IL1RAPL2: variants seen among roughly 807,000 people sequenced by gnomAD.
The protein encoded by IL1RAPL2 is interleukin 1 receptor accessory protein like 2, also known as X-linked interleukin-1 receptor accessory protein-like 2.
Under a neutral mutation model 44.1 loss-of-function variants are expected in IL1RAPL2, and 3 were observed. That is an observed-to-expected ratio of 0.07 (90% CI 0.03 to 0.18). IL1RAPL2 has a LOEUF of 0.18. Among genes scored for constraint, IL1RAPL2 ranks in the 10% least tolerant of loss-of-function variants. IL1RAPL2 has a pLI of 1.00. For synonymous variants in IL1RAPL2, 181 were observed against 178.8 expected (o/e 1.01, Z -0.10); for missense variants, 391 against 496.4 (o/e 0.79, Z 2.02).
intron 6 of IL1RAPL2, among the ~76,000 whole-genome samples, chrX:105,607,128 C>A (rs746833786): frequency 4.5e-5 from 5 of 110,570 alleles, no homozygotes; most frequent in Non-Finnish European, 7.6e-5. Flanking sequence ...TTGTGTGTAC[C>A]AAAATATCAC....
intron 2 of IL1RAPL2, among the ~76,000 whole-genome samples, chrX:105,150,087 AT>A (rs1211903802): frequency 9.0e-6 from 1 of 110,537 alleles, no homozygotes; most frequent in Non-Finnish European, 1.9e-5. Context: ...CATGTATCAG[AT>A]TAGTTCAACA....
chrX:105,727,135 G>C (rs1177135016), intron 7 of IL1RAPL2, among the ~76,000 whole-genome samples: 1 of 111,420 alleles, frequency 9.0e-6, no homozygotes, highest in Non-Finnish European at 1.9e-5. Context: ...AACTCTGCAA[G>C]ACACCTAGCC....
intron 2 of IL1RAPL2, among the ~76,000 whole-genome samples, chrX:105,096,935 G>A (rs992503056): frequency 9.0e-6 from 1 of 110,879 alleles, no homozygotes; most frequent in Admixed American, 9.6e-5. Flanking sequence ...AAAAAAATAC[G>A]GACAATACAA....
intron 2 of IL1RAPL2, among the ~76,000 whole-genome samples, chrX:104,771,954 C>T (rs1319388938): frequency 8.9e-6 from 1 of 111,878 alleles, no homozygotes; most frequent in Non-Finnish European, 1.9e-5. Context: ...TCTTTCTATA[C>T]TCTATGGATG....
intron 5 of IL1RAPL2, among the ~76,000 whole-genome samples, chrX:105,416,765 T>C (rs1301159310): frequency 8.9e-6 from 1 of 111,950 alleles, no homozygotes; most frequent in African/African-American, 3.3e-5. Flanking sequence ...CCACCTTTGC[T>C]TCTGTTTCGC....
chrX:105,054,370 T>C (rs2031966968), intron 2 of IL1RAPL2, among the ~76,000 whole-genome samples: 1 of 111,995 alleles, frequency 8.9e-6, no homozygotes, highest in East Asian at 2.8e-4. Flanking sequence ...AAGAAACTGC[T>C]GTATTGTATA....
In IL1RAPL2 at chrX:104,680,516, G is replaced by T. The variant is rs765803799; in HGVS notation, c.82+21521G>T. Among the ~76,000 whole-genome samples the T allele has an allele frequency of 7.5e-4, 84 of 111,477 alleles. 1 individual carries two copies. The highest frequency in any genetic ancestry group is 2.7e-3 in the African/African-American group (82 of 30,693). On this transcript the variant is annotated intron_variant, in intron 2 of 10. Transcript: ENST00000372582. Reference sequence around the variant, plus strand: ...TTTGTACTTGGATTAATGCTTTTCTGTTGCCATCCTGAAATTCTTAATAAT... The same window carrying T: ...TTTGTACTTGGATTAATGCTTTTCTTTTGCCATCCTGAAATTCTTAATAAT...
intron 2 of IL1RAPL2, among the ~76,000 whole-genome samples, chrX:104,960,594 C>T (rs915578113): frequency 6.1e-4 from 68 of 111,467 alleles, no homozygotes; most frequent in African/African-American, 2.2e-3. Flanking sequence ...AATTCAAATA[C>T]TGGCTAATTG....
At chrX:104,649,825 T>G (rs1338404897) in intron 1 of IL1RAPL2, among the ~76,000 whole-genome samples, 1 of 111,634 alleles carries the variant, frequency 9.0e-6, no homozygotes, top group East Asian at 2.8e-4. Context: ...CTGTTAAAAA[T>G]TAGCATGAAC....
intron 2 of IL1RAPL2, among the ~76,000 whole-genome samples, chrX:105,133,581 T>C (rs1300808686): frequency 8.9e-6 from 1 of 111,905 alleles, no homozygotes; most frequent in Non-Finnish European, 1.9e-5. Context: ...TATTATAATA[T>C]TTTTGTTTTA....
At chrX:105,091,087 G>T (rs1244940315) in intron 2 of IL1RAPL2, among the ~76,000 whole-genome samples, 1 of 111,790 alleles carries the variant, frequency 8.9e-6, no homozygotes, top group Non-Finnish European at 1.9e-5. Context: ...AATTGCAGGT[G>T]GTTTTAAAAC....
chrX:105,180,423 A>G (rs1358934369), intron 2 of IL1RAPL2, among the ~76,000 whole-genome samples: 8 of 112,203 alleles, frequency 7.1e-5, no homozygotes, highest in Non-Finnish European at 1.3e-4. Flanking sequence ...TTTAGAGGAA[A>G]GGCTTTCAAC....
intron 2 of IL1RAPL2, among the ~76,000 whole-genome samples, chrX:105,089,381 A>G (rs758021859): frequency 4.5e-5 from 5 of 111,371 alleles, no homozygotes; most frequent in Middle Eastern, 9.2e-3. Context: ...ATATAGAACA[A>G]ATTGTGAGGT....
intron 1 of IL1RAPL2, among the ~76,000 whole-genome samples, chrX:104,656,990 A>T (rs1930278110): frequency 9.1e-6 from 1 of 110,457 alleles, no homozygotes. Context: ...AGAGACTAGG[A>T]TTGCAACCCC....
Position 105,034,521 on chromosome X carries a change from G to A in IL1RAPL2, c.83-160954G>A, listed in dbSNP as rs1322623467. On this transcript the variant is annotated intron_variant, in intron 2 of 10. Coordinates refer to ENST00000372582, the MANE Select transcript of IL1RAPL2 (RefSeq NM_017416.2). ...CCCTGTTTGCCTGGGTATCAGCAGCGGTGGCTGCAGAACAGCGGTGGCTGT... is the reference window on the plus strand; with the variant it reads ...CCCTGTTTGCCTGGGTATCAGCAGCAGTGGCTGCAGAACAGCGGTGGCTGT... Among the ~76,000 whole-genome samples, 6 of 112,174 alleles carry A rather than the reference G, an allele frequency of 5.3e-5. No individual in the cohort carries two copies. In the East Asian group the frequency reaches 1.4e-3, roughly 27 times the overall value.
intron 3 of IL1RAPL2, among the ~76,000 whole-genome samples, chrX:105,208,992 C>T (rs782679164): frequency 3.6e-5 from 4 of 111,802 alleles, no homozygotes; most frequent in African/African-American, 9.7e-5. Context: ...AGGGTCCAGA[C>T]GTTTTCATTT....
intron 6 of IL1RAPL2, among the ~76,000 whole-genome samples, chrX:105,657,360 G>A (rs1009881254): frequency 8.9e-6 from 1 of 112,113 alleles, no homozygotes; most frequent in African/African-American, 3.2e-5. Flanking sequence ...ACTACCTACA[G>A]TGGGAAGTAT....
chrX:105,080,335 G>A (rs745437019), intron 2 of IL1RAPL2, among the ~76,000 whole-genome samples: 1 of 112,145 alleles, frequency 8.9e-6, no homozygotes, highest in South Asian at 3.7e-4. Flanking sequence ...TTTTCTTCTA[G>A]GGTATTTATG....
intron 2 of IL1RAPL2, among the ~76,000 whole-genome samples, chrX:104,969,169 T>C (rs1395782205): frequency 9.0e-6 from 1 of 110,805 alleles, no homozygotes; most frequent in African/African-American, 3.3e-5. Context: ...TTCTCTTACA[T>C]AAAAACTAGG....
Sources: gnomAD v4.1 joint callset for allele counts (sites outside exome capture counted in the v4.1 genomes callset) on GRCh38, gnomAD v4.1.1 for gene constraint, MANE v1.5 for transcripts, NCBI Gene and HGNC (gene_info 2026-07-23, HGNC 2026-07-21) for gene names.